The following FHOD3 variants were observed in gnomAD, a reference collection of about 807,000 sequenced individuals.
FHOD3 encodes the protein FH1/FH2 domain-containing protein 3.
Under a neutral mutation model 173.0 loss-of-function variants are expected in FHOD3, and 90 were observed. The observed-to-expected ratio is 0.52, with a 90% confidence interval of 0.44 to 0.62. The LOEUF (loss-of-function observed/expected upper bound fraction) is 0.62. FHOD3 is among the 20% of genes least tolerant of loss of function. The probability of loss-of-function intolerance (pLI) is 0.00; values close to 1 mark genes in which losing one functional copy is unlikely to be tolerated. For synonymous variants in FHOD3, 828 were observed against 823.0 expected, an observed-to-expected ratio of 1.01 and a Z score of -0.10; for missense variants, 1,945 against 2,034.7, an observed-to-expected ratio of 0.96 and a Z score of 0.85.
intron 20 of FHOD3, among the ~76,000 whole-genome samples, chr18:36,740,181 TC>T (rs1325296819): frequency 6.6e-6 from 1 of 152,242 alleles, no homozygotes; most frequent in Non-Finnish European, 1.5e-5. Flanking sequence ...CATGATTTTT[TC>T]TGCAATCAGA....
chr18:36,758,212 A>T (rs1186265354), intron 25 of FHOD3, among the ~76,000 whole-genome samples: 2 of 152,216 alleles, frequency 1.3e-5, no homozygotes, highest in Non-Finnish European at 2.9e-5. Context: ...AATGTTACGG[A>T]CTGGAAGTGG....
chr18:36,341,184 A>G (rs1344410471), intron 1 of FHOD3, among the ~76,000 whole-genome samples: 1 of 152,240 alleles, frequency 6.6e-6, no homozygotes, highest in Non-Finnish European at 1.5e-5. Context: ...TAATAGTGCC[A>G]TCCTCATAGG....
intron 17 of FHOD3, among the ~76,000 whole-genome samples, chr18:36,706,900 C>G (rs1318176275): frequency 1.3e-5 from 2 of 152,222 alleles, no homozygotes. Flanking sequence ...TGCTTTCTGT[C>G]AACCAAATGA....
At chr18:36,629,230 T>C (rs1253821053) in intron 10 of FHOD3, among the ~76,000 whole-genome samples, 2 of 152,368 alleles carry the variant, frequency 1.3e-5, no homozygotes, top group East Asian at 3.9e-4. Flanking sequence ...CCAGACGGTC[T>C]CTATTGCAAC....
At chr18:36,493,999 A>G (rs117976642) in intron 3 of FHOD3, among the ~76,000 whole-genome samples, 3,158 of 152,254 alleles carry the variant, frequency 0.021, 55 homozygotes, top group Non-Finnish European at 0.03. Flanking sequence ...CTGTAGATGT[A>G]TCTTTCACTC....
At chr18:36,618,400 C>G (rs1368514905) in intron 9 of FHOD3, among the ~76,000 whole-genome samples, 3 of 150,448 alleles carry the variant, frequency 2.0e-5, no homozygotes, top group African/African-American at 7.4e-5. Flanking sequence ...ACAACCTCCG[C>G]CTCCCGGGTT....
chr18:36,721,633 C>A (rs922275593), intron 19 of FHOD3, among the ~76,000 whole-genome samples: 3 of 152,128 alleles, frequency 2.0e-5, no homozygotes, highest in African/African-American at 7.2e-5. Context: ...GGTGACAGAG[C>A]AAGACTCTGT....
intron 6 of FHOD3, among the ~76,000 whole-genome samples, chr18:36,581,580 A>G (rs1418175302): frequency 6.6e-6 from 1 of 152,188 alleles, no homozygotes; most frequent in East Asian, 1.9e-4. Flanking sequence ...ACAGGTCTCC[A>G]GACTTCCTTT....
intron 3 of FHOD3, among the ~76,000 whole-genome samples, chr18:36,390,169 G>A (rs2048228912): frequency 6.6e-6 from 1 of 152,140 alleles, no homozygotes; most frequent in Non-Finnish European, 1.5e-5. Flanking sequence ...TGTAGGTATG[G>A]AGCTGAATTG....
At chr18:36,708,863 C>G (rs2040018836) in intron 17 of FHOD3, among the ~76,000 whole-genome samples, 1 of 152,202 alleles carries the variant, frequency 6.6e-6, no homozygotes, top group African/African-American at 2.4e-5. Flanking sequence ...TCCAACTCAT[C>G]TAGTAAACCT....
chr18:36,469,183 C>T (rs1231925367), intron 3 of FHOD3, among the ~76,000 whole-genome samples: 1 of 152,148 alleles, frequency 6.6e-6, no homozygotes, highest in Non-Finnish European at 1.5e-5. Flanking sequence ...CCCCAGCCCC[C>T]ATCCTATCAC....
At chr18:36,646,468 C>T (rs979868947) in intron 10 of FHOD3, among the ~76,000 whole-genome samples, 1 of 152,044 alleles carries the variant, frequency 6.6e-6, no homozygotes, top group Non-Finnish European at 1.5e-5. Context: ...CATATAAATT[C>T]AACATAATCC....
intron 3 of FHOD3, among the ~76,000 whole-genome samples, chr18:36,482,939 T>C (rs1599327768): frequency 6.7e-6 from 1 of 149,934 alleles, no homozygotes; most frequent in African/African-American, 2.5e-5. Flanking sequence ...AATGCATGAC[T>C]CAACTGCAGT....
At chr18:36,549,643 T>C (rs1251261496) in intron 5 of FHOD3, among the ~76,000 whole-genome samples, 1 of 145,654 alleles carries the variant, frequency 6.9e-6, no homozygotes, top group East Asian at 2.2e-4. Context: ...GTTCATGCCA[T>C]TCTCCTGCCT....
At chr18:36,621,920 C>T (rs1218088528) in intron 9 of FHOD3, among the ~76,000 whole-genome samples, 2 of 152,136 alleles carry the variant, frequency 1.3e-5, no homozygotes, top group African/African-American at 2.4e-5. Flanking sequence ...TCACAATAGC[C>T]AAGGTGTGGA....
chr18:36,709,037 C>A, intron 17 of FHOD3, 58 bp from the exon 18 acceptor site: 1 of 1,570,068 alleles, frequency 6.4e-7, no homozygotes, highest in Non-Finnish European at 8.7e-7. Context: ...ATTCTCACCT[C>A]ACTTCACCCT....
intron 14 of FHOD3, among the ~76,000 whole-genome samples, chr18:36,668,956 A>G (rs886903571): frequency 6.6e-6 from 1 of 151,950 alleles, no homozygotes; most frequent in Non-Finnish European, 1.5e-5. Flanking sequence ...ATGTATCCTG[A>G]TGTTTTGGGG....
intron 5 of FHOD3, among the ~76,000 whole-genome samples, chr18:36,538,355 AATG>A (rs1224945875): frequency 2.6e-5 from 4 of 152,356 alleles, no homozygotes; most frequent in Admixed American, 6.5e-5. Flanking sequence ...CATTGAAAAC[AATG>A]ATGATAGAGA....
intron 5 of FHOD3, among the ~76,000 whole-genome samples, chr18:36,516,452 C>G (rs1307747373): frequency 6.6e-6 from 1 of 152,170 alleles, no homozygotes; most frequent in African/African-American, 2.4e-5. Flanking sequence ...CCCCGAAGCT[C>G]AGAGTGGCTC....
Sources: allele counts gnomAD v4.1 joint callset (sites outside exome capture counted in the v4.1 genomes callset), GRCh38; gene constraint gnomAD v4.1.1; transcripts MANE v1.5; gene names NCBI Gene and HGNC (gene_info 2026-07-23, HGNC 2026-07-21).